Variants in TTC6 observed in about 807,000 individuals in gnomAD.
TTC6 encodes the protein tetratricopeptide repeat protein 6.
In TTC6, 172 loss-of-function variants were observed where a neutral mutation model predicts 210.4. The ratio of observed to expected loss-of-function variants is 0.82; its 90% CI spans 0.72 to 0.93. The LOEUF is 0.93. Among genes scored for constraint, TTC6 ranks in the 40% least tolerant of loss-of-function variants. The probability of loss-of-function intolerance (pLI) is 0.00; values close to 1 mark genes in which losing one functional copy is unlikely to be tolerated. For missense variants in TTC6, 2,414 were observed against 2,318.1 expected (o/e 1.04, Z -0.85); for synonymous variants, 804 against 819.6 (o/e 0.98, Z 0.32).
intron 25 of TTC6, among the ~76,000 whole-genome samples, chr14:37,814,034 A>G (rs913356644): frequency 6.6e-6 from 1 of 152,136 alleles, no homozygotes; most frequent in African/African-American, 2.4e-5. Context: ...TATTCTCTAA[A>G]CAGATGCTAG....
rs529299108 is a variant in TTC6 at position 37,684,521 on chromosome 14, T to C, written c.1257+1557T>C. ...GTTTTGATCAGAGTGACTTGGTGAA[T>C]GGATTAAAAAGACTCTAAATTGAAA... On this transcript the variant is annotated intron_variant, in intron 3 of 30. Coordinates refer to ENST00000553443, the Ensembl canonical transcript of TTC6. 1.2e-4 allele frequency among the ~76,000 whole-genome samples: 18 copies of C among 152,226 alleles called. 1 individual carries two copies. Among genetic ancestry groups the C allele is most frequent in the Admixed American group, 1.2e-3 (18 of 15,264 alleles).
chr14:37,772,315 G>A, intron 14 of TTC6: 1 of 154,222 alleles, frequency 6.5e-6, no homozygotes, highest in East Asian at 1.9e-4. Flanking sequence ...GCCTCCTTGA[G>A]CTGTGGTAGG....
At chr14:37,765,648 T>C (rs2095997000) in intron 14 of TTC6, among the ~76,000 whole-genome samples, 1 of 152,160 alleles carries the variant, frequency 6.6e-6, no homozygotes, top group South Asian at 2.1e-4. Context: ...GTTCTTTACC[T>C]TGTTGTATGG....
intron 5 of TTC6, among the ~76,000 whole-genome samples, chr14:37,714,205 C>G (rs1383548989): frequency 6.6e-6 from 1 of 152,050 alleles, no homozygotes; most frequent in East Asian, 1.9e-4. Context: ...GACTTGATGC[C>G]TACACAGTTT....
At chr14:37,613,748 G>A (rs1170929283) in intron 2 of TTC6, among the ~76,000 whole-genome samples, 1 of 151,320 alleles carries the variant, frequency 6.6e-6, no homozygotes, top group Non-Finnish European at 1.5e-5. Context: ...AGATGTTGTT[G>A]GTATAGTGTT....
chr14:37,688,128 G>A lies in TTC6; in HGVS notation c.1257+5164G>A, dbSNP rs79041799. Among the ~76,000 whole-genome samples, 249 of 152,270 alleles carry A rather than the reference G, an allele frequency of 1.6e-3. 1 individual carries two copies. The highest frequency in any genetic ancestry group is 2.7e-3 in the Non-Finnish European group (181 of 68,026). On this transcript the variant is annotated intron_variant, in intron 3 of 30. Transcript: ENST00000553443. ...CACAAGCTGACTGAAGAGCCCTTAG[G>A]CCTTGAGGAAACATTGGCAGGAGTC...
intron 1 of TTC6, among the ~76,000 whole-genome samples, chr14:37,669,707 T>A (rs1455611463): frequency 6.6e-6 from 1 of 152,212 alleles, no homozygotes; most frequent in Non-Finnish European, 1.5e-5. Flanking sequence ...TATAAGACCA[T>A]AATCTGGAGG....
chr14:37,639,110 T>G (rs961309033), intron 1 of TTC6, among the ~76,000 whole-genome samples: 1 of 152,244 alleles, frequency 6.6e-6, no homozygotes, highest in African/African-American at 2.4e-5. Context: ...ATGTATAACT[T>G]ATTATGTATT....
chr14:37,700,590 A>G (rs1440978120), intron 4 of TTC6, among the ~76,000 whole-genome samples: 1 of 151,716 alleles, frequency 6.6e-6, no homozygotes, highest in Non-Finnish European at 1.5e-5. Context: ...TAAAACCACA[A>G]ACATTAGCTG....
intron 1 of TTC6, among the ~76,000 whole-genome samples, chr14:37,651,415 ATATATATATATTTTTTTTTTTTTTT>A (rs1375819865): frequency 2.1e-3 from 43 of 20,824 alleles, no homozygotes; most frequent in African/African-American, 9.4e-3. Context: ...ATATATATAT[ATATATATATATTTTTTTTTTTTTTT>A]TTTTTTTTTT....
chr14:37,637,966 A>G (rs2095684237), intron 1 of TTC6, among the ~76,000 whole-genome samples: 1 of 152,218 alleles, frequency 6.6e-6, no homozygotes, highest in Non-Finnish European at 1.5e-5. Context: ...ATGTGATCTA[A>G]CAATTGCACT....
At chr14:37,718,098 C>T (rs538681032) in intron 6 of TTC6, among the ~76,000 whole-genome samples, 18 of 152,194 alleles carry the variant, frequency 1.2e-4, no homozygotes, top group Admixed American at 5.2e-4. Flanking sequence ...TACCCAGTCT[C>T]AGGTGTTCTG....
intron 14 of TTC6, among the ~76,000 whole-genome samples, chr14:37,773,110 T>G (rs1034437034): frequency 7.9e-5 from 12 of 152,142 alleles, no homozygotes; most frequent in South Asian, 2.1e-4. Flanking sequence ...GTGTGGGTTT[T>G]TTTGTTTGTT....
intron 1 of TTC6, among the ~76,000 whole-genome samples, chr14:37,605,444 T>C (rs541974031): frequency 7.3e-6 from 1 of 137,470 alleles, no homozygotes; most frequent in South Asian, 2.4e-4. Context: ...CAAAGCTTAT[T>C]AATTTTTCTT....
intron 2 of TTC6, among the ~76,000 whole-genome samples, chr14:37,680,514 T>C (rs2095781127): frequency 6.6e-6 from 1 of 152,112 alleles, no homozygotes; most frequent in Non-Finnish European, 1.5e-5. Context: ...ACAATTCTGA[T>C]TTAGAGACAT....
chr14:37,835,283 C>T (rs931050199), intron 29 of TTC6, among the ~76,000 whole-genome samples: 1 of 151,900 alleles, frequency 6.6e-6, no homozygotes, highest in African/African-American at 2.4e-5. Context: ...ACTATTTTTT[C>T]CTGGTGATTT....
At chr14:37,676,720 C>T (rs2138518091) in intron 1 of TTC6, among the ~76,000 whole-genome samples, 1 of 152,092 alleles carries the variant, frequency 6.6e-6, no homozygotes, top group East Asian at 1.9e-4. Context: ...GTATTTGACC[C>T]ATTTTTAGTT....
chr14:37,734,140 G>A (rs1208564815), intron 7 of TTC6, among the ~76,000 whole-genome samples: 4 of 152,034 alleles, frequency 2.6e-5, no homozygotes, highest in Non-Finnish European at 5.9e-5. Context: ...TAGAAACTGG[G>A]GTCTTTACTA....
At chr14:37,698,489 CT>C (rs1477889476) in intron 4 of TTC6, among the ~76,000 whole-genome samples, 3 of 152,026 alleles carry the variant, frequency 2.0e-5, no homozygotes, top group South Asian at 4.2e-4. Context: ...CAGAGCACAC[CT>C]TTTTTTTCCC....
Sources: allele counts gnomAD v4.1 joint callset (sites outside exome capture counted in the v4.1 genomes callset), GRCh38; gene constraint gnomAD v4.1.1; transcripts MANE v1.5; gene names NCBI Gene and HGNC (gene_info 2026-07-23, HGNC 2026-07-21).